WDPCP: variants seen among roughly 807,000 people sequenced by gnomAD.
WDPCP encodes WD repeat-containing and planar cell polarity effector protein fritz homolog.
WDPCP carries 71 observed loss-of-function variants against 93.1 expected under a neutral mutation model. The observed-to-expected ratio is 0.76, with a 90% CI of 0.63 to 0.93. WDPCP has a LOEUF of 0.93. Among genes scored for constraint, WDPCP ranks in the 40% least tolerant of loss-of-function variants. WDPCP has a pLI of 0.00. For missense variants in WDPCP, 844 were observed against 887.4 expected, an observed-to-expected ratio of 0.95 and a Z score of 0.62; for synonymous variants, 315 against 315.0, an observed-to-expected ratio of 1.00 and a Z score of 0.00.
rs142959086 is a variant in WDPCP, at chr2:63,295,519, A to G, written c.1812+17729T>C. The stretch of plus-strand genomic sequence containing the variant: ...TATTCAGAAAAAAGACAGACTTTAA[A>G]TTTAAAAAGGTTACAAGAGATAAAA... On this transcript the variant is annotated intron_variant, in intron 13 of 17. Coordinates refer to ENST00000272321, the MANE Select transcript of WDPCP (RefSeq NM_015910.7). Among the ~76,000 whole-genome samples, 23 of 142,586 alleles carry G rather than the reference A, an allele frequency of 1.6e-4. No individual in the cohort carries two copies. In the East Asian group the frequency reaches 4.6e-3, roughly 29 times the overall value. 93.5% of individuals were successfully genotyped at this position (142,586 alleles called of 152,430 possible). A position where few individuals can be genotyped will look rare whatever the true frequency, so the allele number is the denominator to read the frequency against.
chr2:63,786,868 AC>A (rs1458143814), intron 2 of WDPCP, among the ~76,000 whole-genome samples: 1 of 152,206 alleles, frequency 6.6e-6, no homozygotes, highest in African/African-American at 2.4e-5. Flanking sequence ...TATATGAAAA[AC>A]AAACACAGGG....
intron 3 of WDPCP, among the ~76,000 whole-genome samples, chr2:63,614,175 A>G (rs1418221820): frequency 6.6e-6 from 1 of 152,044 alleles, no homozygotes; most frequent in East Asian, 1.9e-4. Flanking sequence ...CTACCCCTCA[A>G]AATTGCCCAC....
chr2:63,251,482 C>G (rs1680710761), intron 14 of WDPCP, among the ~76,000 whole-genome samples: 1 of 149,066 alleles, frequency 6.7e-6, no homozygotes, highest in Non-Finnish European at 1.5e-5. Context: ...AATAAAAAGC[C>G]TACCTTTTTT....
At chr2:63,439,989 C>G in intron 6 of WDPCP, 118 bp from the exon 7 acceptor site, 1 of 704,494 alleles carries the variant, frequency 1.4e-6, no homozygotes, top group Non-Finnish European at 2.5e-6. Context: ...ATCTACACTA[C>G]AAAATTATAA....
chr2:63,840,816 G>T, the WDPCP span: 1 of 152,656 alleles, frequency 6.6e-6, no homozygotes, highest in Admixed American at 6.5e-5. Flanking sequence ...CGGTATCCCC[G>T]CGTACTGCTC....
chr2:63,430,022 CA>C (rs1304060903), intron 9 of WDPCP, among the ~76,000 whole-genome samples: 5 of 132,350 alleles, frequency 3.8e-5, no homozygotes, highest in African/African-American at 1.5e-4. Flanking sequence ...CACACACACA[CA>C]CCATGAAATA....
At chr2:63,393,700 A>G (rs1299395855) in intron 10 of WDPCP, among the ~76,000 whole-genome samples, 1 of 152,128 alleles carries the variant, frequency 6.6e-6, no homozygotes, top group Non-Finnish European at 1.5e-5. Flanking sequence ...AATGACCAAA[A>G]CAGCATGGTA....
chr2:63,648,459 A>G (rs1710076373), intron 3 of WDPCP, among the ~76,000 whole-genome samples: 1 of 152,222 alleles, frequency 6.6e-6, no homozygotes, highest in Non-Finnish European at 1.5e-5. Flanking sequence ...TGGGAAATGT[A>G]TAGTTGTGTA....
At chr2:63,327,461 C>A (rs1687644047) in intron 12 of WDPCP, among the ~76,000 whole-genome samples, 1 of 152,174 alleles carries the variant, frequency 6.6e-6, no homozygotes. Context: ...AGACAGTTTG[C>A]AAGAAATAAC....
In WDPCP at chr2:63,215,803, T is replaced by C. The variant is rs1480094363; in HGVS notation, c.1916-40971A>G. 9.2e-5 allele frequency among the ~76,000 whole-genome samples: 14 copies of C among 152,126 alleles called. 1 individual carries two copies. Among genetic ancestry groups the C allele is most frequent in the Admixed American group, 7.2e-4 (11 of 15,262 alleles). ...ACAGAATGGGAGAAAATTTTTGCAA[T>C]CTACTCATCTGACAAAGGGCTAATA... On this transcript the variant is annotated intron_variant, in intron 14 of 17. Transcript: ENST00000272321.
chr2:63,567,224 G>C (rs1707140904), intron 1 of WDPCP, among the ~76,000 whole-genome samples: 1 of 152,094 alleles, frequency 6.6e-6, no homozygotes, highest in Non-Finnish European at 1.5e-5. Flanking sequence ...CCCTCCCCTA[G>C]AGGTCAGGGA....
chr2:63,369,801 C>T (rs1691231545), intron 12 of WDPCP, among the ~76,000 whole-genome samples: 1 of 152,142 alleles, frequency 6.6e-6, no homozygotes, highest in Non-Finnish European at 1.5e-5. Context: ...TCATGATATT[C>T]CCTTTTTAAC....
Position 63,286,117 on chromosome 2 carries a change from C to T in WDPCP, c.1813-26708G>A, listed in dbSNP as rs551925879. On this transcript the variant is annotated intron_variant, in intron 13 of 17. Transcript: ENST00000272321. ...AACTCTTAGGCTCAAGTAATCCTCCCACCTCAGCCACCCAAGTAGCTAGGA... is the reference window on the plus strand; with the variant it reads ...AACTCTTAGGCTCAAGTAATCCTCCTACCTCAGCCACCCAAGTAGCTAGGA... Among the ~76,000 whole-genome samples the T allele has an allele frequency of 2.5e-4, 38 of 152,206 alleles. No individual in the cohort carries two copies. In the South Asian group the frequency reaches 7.7e-3, roughly 31 times the overall value.
chr2:63,440,508 C>T (rs562342070), intron 6 of WDPCP: 2 of 152,292 alleles, frequency 1.3e-5, no homozygotes, highest in South Asian at 4.1e-4. Flanking sequence ...AGCATCCAGG[C>T]TTTATCAATG....
intron 2 of WDPCP, among the ~76,000 whole-genome samples, chr2:63,713,274 C>A (rs544076873): frequency 2.6e-4 from 39 of 152,314 alleles, no homozygotes; most frequent in Non-Finnish European, 3.7e-4. Flanking sequence ...TTTCATTCTT[C>A]AGAAAATCCT....
chr2:63,831,332 T>G (rs1671191330), upstream of WDPCP, among the ~76,000 whole-genome samples: 1 of 152,200 alleles, frequency 6.6e-6, no homozygotes, highest in Non-Finnish European at 1.5e-5. Flanking sequence ...CTTGCCATTC[T>G]GCACTTATTC....
chr2:63,445,465 G>A (rs1697790836), intron 6 of WDPCP, among the ~76,000 whole-genome samples: 1 of 152,072 alleles, frequency 6.6e-6, no homozygotes, highest in South Asian at 2.1e-4. Flanking sequence ...AACAAATGAT[G>A]CCATATTTCA....
At chr2:63,447,496 G>A (rs562247490) in intron 6 of WDPCP, among the ~76,000 whole-genome samples, 25 of 152,040 alleles carry the variant, frequency 1.6e-4, no homozygotes, top group South Asian at 2.1e-4. Flanking sequence ...CTCAAAAGTC[G>A]GAATACTGAA....
chr2:63,719,817 A>G (rs942746275), intron 2 of WDPCP, among the ~76,000 whole-genome samples: 1 of 152,192 alleles, frequency 6.6e-6, no homozygotes, highest in African/African-American at 2.4e-5. Flanking sequence ...ATATTAGGCT[A>G]TAAGAAAATC....
Sources: gnomAD v4.1 joint callset for allele counts (sites outside exome capture counted in the v4.1 genomes callset) on GRCh38, gnomAD v4.1.1 for gene constraint, MANE v1.5 for transcripts, NCBI Gene and HGNC (gene_info 2026-07-23, HGNC 2026-07-21) for gene names.